Variants in C12orf50 observed in about 807,000 individuals in gnomAD.
C12orf50 encodes zinc finger CCCH-type containing 11D.
A neutral mutation model predicts 61.6 loss-of-function variants in C12orf50; 35 were observed. That is an observed-to-expected ratio of 0.57 (90% CI 0.43 to 0.75). The LOEUF (loss-of-function observed/expected upper bound fraction) is 0.75. Ranked by LOEUF, C12orf50 falls within the 30% of genes least tolerant of loss-of-function variation. The probability of loss-of-function intolerance (pLI) is 0.00; values close to 1 mark genes in which losing one functional copy is unlikely to be tolerated. For missense variants in C12orf50, 475 were observed against 488.5 expected, an observed-to-expected ratio of 0.97 and a Z score of 0.26; for synonymous variants, 178 against 161.5, an observed-to-expected ratio of 1.10 and a Z score of -0.77.
chr12:88,026,025 AG>A (rs1258807842), intron 3 of C12orf50, among the ~76,000 whole-genome samples: 4 of 152,212 alleles, frequency 2.6e-5, no homozygotes, highest in Admixed American at 6.5e-5. Flanking sequence ...TTAAAGTGTT[AG>A]AAAGAACCAT....
chr12:88,028,283 A>C (rs919523758), intron 1 of C12orf50, among the ~76,000 whole-genome samples: 2 of 152,204 alleles, frequency 1.3e-5, no homozygotes, highest in African/African-American at 2.4e-5. Context: ...TTAATCTAAC[A>C]GGTAATAGAA....
chr12:87,996,877 A>G (rs1241674865), intron 4 of C12orf50, among the ~76,000 whole-genome samples: 1 of 152,196 alleles, frequency 6.6e-6, no homozygotes, highest in Non-Finnish European at 1.5e-5. Context: ...TTGAAATGAG[A>G]CGCTGAATGT....
chr12:88,023,653 T>A, intron 3 of C12orf50, among the ~76,000 whole-genome samples: 2 of 135,834 alleles, frequency 1.5e-5, no homozygotes, highest in South Asian at 2.3e-4. Context: ...GGCAACAGAG[T>A]GAGACTCCAT....
chr12:87,986,906 T>C (rs2030854471), intron 9 of C12orf50, among the ~76,000 whole-genome samples: 2 of 152,156 alleles, frequency 1.3e-5, no homozygotes, highest in African/African-American at 4.8e-5. Context: ...TTGGTCAAGA[T>C]TGAGCAATCA....
chr12:88,013,546 A>G (rs765503406), intron 3 of C12orf50, among the ~76,000 whole-genome samples: 20 of 152,226 alleles, frequency 1.3e-4, no homozygotes, highest in Non-Finnish European at 8.8e-5. Flanking sequence ...GTATTTAGCA[A>G]TGAAGTGTGA....
intron 1 of C12orf50, chr12:88,029,102 C>T: frequency 1.6e-6 from 2 of 1,286,102 alleles, no homozygotes; most frequent in Non-Finnish European, 1.0e-6. Context: ...AAATAGCAGT[C>T]ATTCCCAACT....
intron 9 of C12orf50, 28 bp downstream of exon 9, chr12:87,987,822 C>G: frequency 7.1e-7 from 1 of 1,416,494 alleles, no homozygotes; most frequent in Admixed American, 1.8e-5. Context: ...ATATCTGAGG[C>G]CAAAAAGTGA....
At chr12:88,028,725 T>C (rs2032795864) in intron 1 of C12orf50, among the ~76,000 whole-genome samples, 1 of 152,152 alleles carries the variant, frequency 6.6e-6, no homozygotes, top group African/African-American at 2.4e-5. Flanking sequence ...ACTAAAACAA[T>C]ATCTTGTAAC....
At chr12:87,995,513 G>T (rs749359560) in intron 6 of C12orf50, among the ~76,000 whole-genome samples, 3 of 152,122 alleles carry the variant, frequency 2.0e-5, no homozygotes, top group Non-Finnish European at 4.4e-5. Context: ...GTGGTAAAAT[G>T]CTAACGTTTG....
At chr12:87,987,774 A>C in intron 9 of C12orf50, 76 bp downstream of exon 9, 1 of 976,426 alleles carries the variant, frequency 1.0e-6, no homozygotes. Context: ...TTAAAATTCT[A>C]TTTTAAATAA....
In C12orf50 at chr12:88,016,631, A is replaced by G. The variant is rs189567295; in HGVS notation, c.133+9857T>C. ...GTGTCAAGCAGCGGGAAAATAGTTA[A>G]CAGATTTAACATAAATAAATGCTGT... is the stretch of plus-strand genomic sequence containing the variant. On this transcript the variant is annotated intron_variant, in intron 3 of 12. Coordinates refer to ENST00000298699, the MANE Select transcript of C12orf50 (RefSeq NM_152589.3). Among the ~76,000 whole-genome samples the G allele has an allele frequency of 3.3e-5, 5 of 152,344 alleles. No homozygotes were observed. The East Asian group carries it at 9.6e-4, about 29-fold the overall frequency.
rs759570013 is a variant in C12orf50 at position 87,985,894 on chromosome 12, T to C, written c.1082A>G (p.Asn361Ser). Residue 361 changes from asparagine (N) to serine (S), a missense_variant, in exon 11 of 13, where the codon AAT (asparagine) becomes AGT (serine). Asn to Ser is a conservative substitution (Grantham distance 46). Transcript: ENST00000298699. ...GGGTTCCCTGTTAGCATGGACTTTA[T>C]TGTAGGACCCATGCGTGGGCCTGCT... Reference protein sequence around the residue: ...SRSRPTHGSYNKVHANREPKP... With the variant: ...SRSRPTHGSYSKVHANREPKP... 9 of 1,613,492 alleles carry C rather than the reference T, an allele frequency of 5.6e-6. No homozygotes were observed. The Admixed American group carries it at 1.5e-4, about 27-fold the overall frequency.
rs77816179 is a variant in C12orf50, at chr12:88,029,300, G to A, written c.-109+40C>T. ...TGACCTCCTGTTGACAGTATATTACGCAATAGATAATTCTTAAAGACATTT... is the reference window on the plus strand; with the variant it reads ...TGACCTCCTGTTGACAGTATATTACACAATAGATAATTCTTAAAGACATTT... On this transcript the variant is annotated intron_variant, in intron 1 of 12. Transcript: ENST00000298699. The A allele has an allele frequency of 1.2e-4, 26 of 208,630 alleles. No homozygotes were observed. In the East Asian group the frequency reaches 1.8e-3, roughly 14 times the overall value. The allele number at this position is 208,630 out of a possible 1,614,324, so 12.9% of individuals were successfully genotyped here. A position where few individuals can be genotyped will look rare whatever the true frequency, so the allele number is the denominator to read the frequency against.
At chr12:88,025,695 C>T (rs1409005670) in intron 3 of C12orf50, among the ~76,000 whole-genome samples, 1 of 152,132 alleles carries the variant, frequency 6.6e-6, no homozygotes, top group Non-Finnish European at 1.5e-5. Flanking sequence ...GCTGAGAGCG[C>T]ACCACTGCAC....
intron 3 of C12orf50, among the ~76,000 whole-genome samples, chr12:88,002,937 A>T (rs1233016607): frequency 6.6e-6 from 1 of 151,840 alleles, no homozygotes; most frequent in Non-Finnish European, 1.5e-5. Context: ...TAGATATAAG[A>T]GGTTACTCCT....
At position 88,000,237 on chromosome 12, in the gene C12orf50, T is replaced by C. The variant is rs140845307; in HGVS notation, c.134-2047A>G. 3.3e-4 allele frequency among the ~76,000 whole-genome samples: 51 copies of C among 152,280 alleles called. No individual in the cohort carries two copies. The East Asian group carries it at 9.6e-3, about 29-fold the overall frequency. On this transcript the variant is annotated intron_variant, in intron 3 of 12. Coordinates refer to ENST00000298699, the MANE Select transcript of C12orf50 (RefSeq NM_152589.3). ...ATGCAGTTGTGCTACTTAATTACTT[T>C]GCATGTGACTATCTAGTTGTCTTAG... is the stretch of plus-strand genomic sequence containing the variant.
chr12:88,018,084 TG>T (rs1425864591), intron 3 of C12orf50, among the ~76,000 whole-genome samples: 1 of 152,186 alleles, frequency 6.6e-6, no homozygotes, highest in Non-Finnish European at 1.5e-5. Flanking sequence ...CCCAAGATAA[TG>T]GGGAAAATGT....
At chr12:88,027,114 AT>A (rs753033358) in intron 1 of C12orf50, 44 bp from the exon 2 acceptor site, 17 of 1,530,822 alleles carry the variant, frequency 1.1e-5, no homozygotes, top group Non-Finnish European at 1.5e-5. Flanking sequence ...ATATGTTGAC[AT>A]TAGTGTTCAA....
chr12:87,980,900 A>G (rs1392152412), intron 12 of C12orf50, among the ~76,000 whole-genome samples: 1 of 152,186 alleles, frequency 6.6e-6, no homozygotes, highest in Non-Finnish European at 1.5e-5. Flanking sequence ...CCTTTCCTCC[A>G]GTAGTCCATC....
Sources: gnomAD v4.1 joint callset for allele counts (sites outside exome capture counted in the v4.1 genomes callset) on GRCh38, gnomAD v4.1.1 for gene constraint, MANE v1.5 for transcripts, NCBI Gene and HGNC (gene_info 2026-07-23, HGNC 2026-07-21) for gene names.